GRM3: variants seen among roughly 807,000 people sequenced by gnomAD.
GRM3 encodes glutamate metabotropic receptor 3.
GRM3 carries 26 observed loss-of-function variants against 70.5 expected under a neutral mutation model. The ratio of observed to expected loss-of-function variants is 0.37; its 90% CI spans 0.27 to 0.51. The LOEUF (loss-of-function observed/expected upper bound fraction) is 0.51. Ranked by LOEUF, GRM3 falls within the 20% of genes least tolerant of loss-of-function variation. The pLI, the probability that GRM3 is intolerant of heterozygous loss-of-function variation, is 0.93. For missense variants in GRM3, 859 were observed against 1,123.8 expected (o/e 0.76, Z 3.37); for synonymous variants, 443 against 434.9 (o/e 1.02, Z -0.23).
chr7:86,684,992 A>G (rs1202608827), intron 1 of GRM3, among the ~76,000 whole-genome samples: 1 of 152,218 alleles, frequency 6.6e-6, no homozygotes, highest in African/African-American at 2.4e-5. Flanking sequence ...CATGCTATCC[A>G]TGTTATCACT....
intron 1 of GRM3, among the ~76,000 whole-genome samples, chr7:86,750,077 G>C (rs879443173): frequency 1.3e-5 from 2 of 152,054 alleles, no homozygotes; most frequent in African/African-American, 4.8e-5. Flanking sequence ...ATTCAAGAAT[G>C]AAGAAACTAG....
intron 1 of GRM3, among the ~76,000 whole-genome samples, chr7:86,702,809 A>G (rs1794972772): frequency 1.3e-5 from 2 of 151,970 alleles, no homozygotes; most frequent in South Asian, 2.1e-4. Context: ...GATTTAGACC[A>G]GAAGGAAGAA....
At chr7:86,672,133 A>G (rs992840755) in intron 1 of GRM3, among the ~76,000 whole-genome samples, 1 of 152,204 alleles carries the variant, frequency 6.6e-6, no homozygotes, top group South Asian at 2.1e-4. Context: ...AGTCTACTCC[A>G]TTCTAAAGAG....
At chr7:86,844,995 T>C (rs1478773251) in intron 4 of GRM3, among the ~76,000 whole-genome samples, 2 of 152,074 alleles carry the variant, frequency 1.3e-5, no homozygotes, top group Non-Finnish European at 2.9e-5. Flanking sequence ...ATTCAAGCGA[T>C]TTTCCTGCCT....
chr7:86,811,151 T>C (rs149875532), intron 3 of GRM3, among the ~76,000 whole-genome samples: 136 of 152,042 alleles, frequency 8.9e-4, no homozygotes, highest in Non-Finnish European at 1.5e-3. Flanking sequence ...ATGTGAACCA[T>C]AAATTTTTGT....
chr7:86,760,114 T>G (rs1796442573), intron 1 of GRM3, among the ~76,000 whole-genome samples: 1 of 152,136 alleles, frequency 6.6e-6, no homozygotes. Context: ...AAGGATTTAT[T>G]TCTGGGAAAG....
intron 3 of GRM3, among the ~76,000 whole-genome samples, chr7:86,838,464 T>C (rs1798499831): frequency 6.6e-6 from 1 of 152,206 alleles, no homozygotes; most frequent in Non-Finnish European, 1.5e-5. Context: ...AATAAATACG[T>C]AATAAGAATG....
Position 86,811,996 on chromosome 7 carries a change from G to A in GRM3, c.1324+24880G>A, listed in dbSNP as rs558029481. Reference sequence around the variant, plus strand: ...AATAGAAATTATATAATAAGTTTCTGTACTTACAGACTGTACACTCAGTAA... The same window carrying A: ...AATAGAAATTATATAATAAGTTTCTATACTTACAGACTGTACACTCAGTAA... On this transcript the variant is annotated intron_variant, in intron 3 of 5. Coordinates refer to ENST00000361669, the MANE Select transcript of GRM3 (RefSeq NM_000840.3). 1.3e-4 allele frequency among the ~76,000 whole-genome samples: 19 copies of A among 151,550 alleles called. No individual in the cohort carries two copies. In the South Asian group the frequency reaches 4.0e-3, roughly 32 times the overall value.
At chr7:86,735,301 T>C (rs1269333856) in intron 1 of GRM3, among the ~76,000 whole-genome samples, 2 of 152,130 alleles carry the variant, frequency 1.3e-5, no homozygotes, top group African/African-American at 2.4e-5. Flanking sequence ...ATGCAAAACA[T>C]TTGTTCTAGA....
At chr7:86,683,566 G>A (rs1216226680) in intron 1 of GRM3, among the ~76,000 whole-genome samples, 1 of 152,136 alleles carries the variant, frequency 6.6e-6, no homozygotes, top group Non-Finnish European at 1.5e-5. Context: ...TCTTGCCTAA[G>A]AGAGCCTAAA....
chr7:86,724,628 A>G (rs1307650983), intron 1 of GRM3, among the ~76,000 whole-genome samples: 2 of 152,168 alleles, frequency 1.3e-5, no homozygotes, highest in Admixed American at 6.6e-5. Flanking sequence ...AACATCTGAA[A>G]CACCTGGCAA....
At chr7:86,729,862 C>G (rs1464093163) in intron 1 of GRM3, among the ~76,000 whole-genome samples, 2 of 152,098 alleles carry the variant, frequency 1.3e-5, no homozygotes, top group African/African-American at 2.4e-5. Context: ...AATTCCAGCA[C>G]TTTGGGAGGC....
chr7:86,644,350 G>T lies in GRM3; in HGVS notation c.-663G>T. The T allele has an allele frequency of 3.5e-6, 1 of 287,378 alleles. No individual in the cohort carries two copies. Among genetic ancestry groups the T allele is most frequent in the Non-Finnish European group, 6.8e-6 (1 of 148,106 alleles). 17.8% of individuals were successfully genotyped at this position (287,378 alleles called of 1,614,324 possible). A position where few individuals can be genotyped will look rare whatever the true frequency, so the allele number is the denominator to read the frequency against. The stretch of plus-strand genomic sequence containing the variant: ...GAGAGAGGGAGGAAAGAATGAAAAG[G>T]AGAGGATGCCAGGAGGTCCGTGCTT... On this transcript the variant is annotated 5_prime_UTR_variant, in exon 1 of 6. Coordinates refer to ENST00000361669, the MANE Select transcript of GRM3 (RefSeq NM_000840.3).
intron 4 of GRM3, among the ~76,000 whole-genome samples, chr7:86,844,163 T>C (rs536955821): frequency 6.6e-6 from 1 of 152,304 alleles, no homozygotes; most frequent in African/African-American, 2.4e-5. Flanking sequence ...GAAATTCCTA[T>C]TTTCCCATGT....
intron 1 of GRM3, among the ~76,000 whole-genome samples, chr7:86,732,992 T>G (rs1004708945): frequency 6.6e-6 from 1 of 151,656 alleles, no homozygotes; most frequent in Non-Finnish European, 1.5e-5. Context: ...ACAGAGACAC[T>G]GTGGGGGAAG....
chr7:86,689,355 G>T (rs1341294444), intron 1 of GRM3, among the ~76,000 whole-genome samples: 1 of 151,868 alleles, frequency 6.6e-6, no homozygotes, highest in Non-Finnish European at 1.5e-5. Flanking sequence ...TCTACAATTA[G>T]TCCCATTTTC....
At chr7:86,799,054 G>A (rs1797622310) in intron 3 of GRM3, among the ~76,000 whole-genome samples, 1 of 152,120 alleles carries the variant, frequency 6.6e-6, no homozygotes, top group East Asian at 1.9e-4. Flanking sequence ...CATACTCCTT[G>A]AAGAGGTCCT....
chr7:86,836,019 G>T (rs1031094325), intron 3 of GRM3, among the ~76,000 whole-genome samples: 14 of 152,094 alleles, frequency 9.2e-5, no homozygotes, highest in African/African-American at 3.4e-4. Flanking sequence ...AAAATATTAA[G>T]ATACAACCAG....
intron 2 of GRM3, among the ~76,000 whole-genome samples, chr7:86,778,023 G>T (rs1446210720): frequency 6.6e-6 from 1 of 152,062 alleles, no homozygotes; most frequent in African/African-American, 2.4e-5. Flanking sequence ...TTAATTAAAA[G>T]AACTAAACAA....
Sources: gnomAD v4.1 joint callset for allele counts (sites outside exome capture counted in the v4.1 genomes callset) on GRCh38, gnomAD v4.1.1 for gene constraint, MANE v1.5 for transcripts, NCBI Gene and HGNC (gene_info 2026-07-23, HGNC 2026-07-21) for gene names.